SPIRE2: variants seen among roughly 807,000 people sequenced by gnomAD.
SPIRE2 encodes protein spire homolog 2.
In SPIRE2, 76 loss-of-function variants were observed where a neutral mutation model predicts 80.7. The ratio of observed to expected loss-of-function variants is 0.94; its 90% CI spans 0.78 to 1.14. SPIRE2 has a LOEUF of 1.14. Ranked by LOEUF, SPIRE2 falls within the 50% of genes most tolerant of loss-of-function variation. The pLI, the probability that SPIRE2 is intolerant of heterozygous loss-of-function variation, is 0.00. For synonymous variants in SPIRE2, 535 were observed against 432.6 expected (o/e 1.24, Z -2.94); for missense variants, 1,196 against 1,015.3 (o/e 1.18, Z -2.42).
chr16:89,869,752 T>A, intron 14 of SPIRE2, 70 bp downstream of exon 14: 1 of 1,187,162 alleles, frequency 8.4e-7, no homozygotes, highest in South Asian at 1.2e-5. Flanking sequence ...GGAGCTGGGG[T>A]GGAGGGGGCT....
intron 12 of SPIRE2, among the ~76,000 whole-genome samples, chr16:89,867,167 CAG>C (rs965998798): frequency 5.9e-4 from 89 of 150,974 alleles, no homozygotes; most frequent in Admixed American, 3.4e-3. Context: ...TTTTTTGAGA[CAG>C]AGTCTCTCTC....
Position 89,863,192 on chromosome 16 carries a change from C to A in SPIRE2, c.1576-284C>A, listed in dbSNP as rs1378196527. 2.1e-6 allele frequency: 1 copy of A among 476,276 alleles called. No individual in the cohort carries two copies. Among genetic ancestry groups the A allele is most frequent in the Non-Finnish European group, 3.8e-6 (1 of 260,478 alleles). The allele number at this position is 476,276 out of a possible 1,614,324, so 29.5% of individuals were successfully genotyped here. Reference sequence around the variant, plus strand: ...CATGGTGTGTTTGCAGGCAGGGACACCTTGAACAGACATGGGCTGAGGGGA... The same window carrying A: ...CATGGTGTGTTTGCAGGCAGGGACAACTTGAACAGACATGGGCTGAGGGGA... On this transcript the variant is annotated intron_variant, in intron 10 of 14. Coordinates refer to ENST00000378247, the MANE Select transcript of SPIRE2 (RefSeq NM_032451.2). This position sits in a 1 kb window ranked among gnomAD's most constrained non-coding sequence, Gnocchi z 4.3.
chr16:89,868,296 A>C lies in SPIRE2; in HGVS notation c.1806+80A>C. Reference sequence around the variant, plus strand: ...TGGCTTTGATTGGATGTGTTGGATGATGCTGCCTCACCAGGCACCTCATCC... The same window carrying C: ...TGGCTTTGATTGGATGTGTTGGATGCTGCTGCCTCACCAGGCACCTCATCC... On this transcript the variant is annotated intron_variant, in intron 13 of 14. Transcript: ENST00000378247. 7 of 1,403,890 alleles carry C rather than the reference A, an allele frequency of 5.0e-6. No homozygotes were observed. The South Asian group carries it at 8.1e-5, about 16-fold the overall frequency. The allele number at this position is 1,403,890 out of a possible 1,614,324, so 87.0% of individuals were successfully genotyped here.
Position 89,828,600 on chromosome 16 carries a change from C to T in SPIRE2, c.50C>T (p.Pro17Leu). ...GGCGCCGCGGCGGGCGCAGGGCGGC[C>T]GGAGCCCTGGGAGCTGTCCCTGGAG... Reference protein sequence around the residue: ...CGGAAAGAGRPEPWELSLEEV... With the variant: ...CGGAAAGAGRLEPWELSLEEV... The change falls in exon 1 of 15, where the codon CCG (proline) becomes CTG (leucine). Residue 17 changes from proline (P) to leucine (L), a missense_variant. Pro to Leu is a moderately conservative substitution (Grantham distance 98). Transcript: ENST00000378247. The surrounding 1 kb of genome is among the most constrained non-coding windows in gnomAD (Gnocchi z 5.9). 3.2e-6 allele frequency: 4 copies of T among 1,232,124 alleles called. No individual in the cohort carries two copies. The highest frequency in any genetic ancestry group is 4.1e-6 in the Non-Finnish European group (4 of 980,922). The allele number at this position is 1,232,124 out of a possible 1,614,324, so 76.3% of individuals were successfully genotyped here.
At chr16:89,853,682 G>T (rs1214825543) in intron 3 of SPIRE2, among the ~76,000 whole-genome samples, 3 of 150,224 alleles carry the variant, frequency 2.0e-5, no homozygotes, top group Admixed American at 1.3e-4. Context: ...GGGACTTCGT[G>T]ACAGCAGAGG....
At chr16:89,829,453 G>A (rs76968301) in intron 1 of SPIRE2, among the ~76,000 whole-genome samples, 1,779 of 152,360 alleles carry the variant, frequency 0.012, 35 homozygotes, top group South Asian at 0.1. Flanking sequence ...TTTCTTCCCT[G>A]GAGAGCTGGA....
chr16:89,867,364 T>C (rs1696239687), intron 12 of SPIRE2, among the ~76,000 whole-genome samples: 1 of 151,834 alleles, frequency 6.6e-6, no homozygotes, highest in Non-Finnish European at 1.5e-5. Context: ...AGGCCGATGT[T>C]GAACACCTGA....
chr16:89,860,635 C>T (rs1177888910), intron 9 of SPIRE2, 48 bp from the exon 10 acceptor site: 3 of 1,321,982 alleles, frequency 2.3e-6, no homozygotes, highest in Non-Finnish European at 2.1e-6. Flanking sequence ...GTCCTCTTTA[C>T]CACAGCTCCT....
intron 10 of SPIRE2, 40 bp downstream of exon 10, chr16:89,860,835 G>A: frequency 2.3e-6 from 3 of 1,320,726 alleles, no homozygotes; most frequent in Non-Finnish European, 3.0e-6. Flanking sequence ...CGGCCCAGGG[G>A]GCGTCTTTGC....
At chr16:89,865,923 G>A (rs552509483) in intron 12 of SPIRE2, among the ~76,000 whole-genome samples, 4 of 143,820 alleles carry the variant, frequency 2.8e-5, no homozygotes, top group African/African-American at 1.0e-4. Flanking sequence ...AGCCGAGATC[G>A]CGCCACTGCA....
intron 1 of SPIRE2, among the ~76,000 whole-genome samples, chr16:89,835,333 G>A (rs2041437766): frequency 6.6e-6 from 1 of 152,214 alleles, no homozygotes; most frequent in African/African-American, 2.4e-5. Flanking sequence ...TGGGGTCCCT[G>A]TGCTACTGTT....
intron 3 of SPIRE2, among the ~76,000 whole-genome samples, chr16:89,853,034 C>T (rs1052083950): frequency 6.6e-6 from 1 of 152,002 alleles, no homozygotes; most frequent in Non-Finnish European, 1.5e-5. Context: ...GCCCATCTTC[C>T]GTCCTCTCTC....
chr16:89,860,843 T>G (rs2041737135), intron 10 of SPIRE2, 48 bp downstream of exon 10: 1 of 1,210,064 alleles, frequency 8.3e-7, no homozygotes, highest in African/African-American at 1.6e-5. Context: ...GGGGCGTCTT[T>G]GCACCCACCT....
At position 89,855,566 on chromosome 16, in the gene SPIRE2, C is replaced by G. The variant is rs749039179; in HGVS notation, c.892-34C>G. The stretch of plus-strand genomic sequence containing the variant: ...GTCGCCCTGCACTAGTGGATGGTCC[C>G]TGCAGGGCCTCAGATCAGCCGTCCT... On this transcript the variant is annotated intron_variant, in intron 5 of 14. Coordinates refer to ENST00000378247, the MANE Select transcript of SPIRE2 (RefSeq NM_032451.2). 6 of 1,597,526 alleles carry G rather than the reference C, an allele frequency of 3.8e-6. No individual in the cohort carries two copies. In the South Asian group the frequency reaches 6.7e-5, roughly 18 times the overall value.
intron 1 of SPIRE2, among the ~76,000 whole-genome samples, chr16:89,842,627 C>T (rs1240298571): frequency 6.6e-6 from 1 of 152,244 alleles, no homozygotes. Context: ...AGGACCTCGC[C>T]TGATGTGGGC....
At position 89,828,711 on chromosome 16, in the gene SPIRE2, C is replaced by T. The variant is rs1179837984; in HGVS notation, c.161C>T (p.Ser54Leu). ...CFQGCRGLRGSPGRRLRDTGD... is the reference protein window; with the variant it reads ...CFQGCRGLRGLPGRRLRDTGD... ...CAGGGCTGCCGCGGGCTGCGGGGCT[C>T]GCCGGGCCGGCGCCTGCGGGATACC... The change falls in exon 1 of 15, where the codon TCG becomes TTG. Residue 54 changes from serine to leucine, a missense_variant. By Grantham distance (145) the Ser-to-Leu change is moderately radical (BLOSUM62 -2). Coordinates refer to ENST00000378247, the MANE Select transcript of SPIRE2 (RefSeq NM_032451.2). This position sits in a 1 kb window ranked among gnomAD's most constrained non-coding sequence, Gnocchi z 5.9. 4.7e-6 allele frequency: 6 copies of T among 1,268,700 alleles called. No individual in the cohort carries two copies. The South Asian group carries it at 1.3e-4, about 28-fold the overall frequency. 78.6% of individuals were successfully genotyped at this position (1,268,700 alleles called of 1,614,324 possible). A position where few individuals can be genotyped will look rare whatever the true frequency, so the allele number is the denominator to read the frequency against.
At chr16:89,868,252 G>C in intron 13 of SPIRE2, 36 bp downstream of exon 13, 2 of 1,609,494 alleles carry the variant, frequency 1.2e-6, no homozygotes, top group Non-Finnish European at 1.7e-6. Flanking sequence ...GTCTGAGCAA[G>C]GCAGATGAGG....
In SPIRE2 at chr16:89,856,105, C is replaced by T. The variant is rs751332150; in HGVS notation, c.979-8C>T. On this transcript the variant is annotated splice_polypyrimidine_tract_variant and splice_region_variant and intron_variant, in intron 6 of 14. Coordinates refer to ENST00000378247, the MANE Select transcript of SPIRE2 (RefSeq NM_032451.2). The stretch of plus-strand genomic sequence containing the variant: ...TTCCCCACCGCAGGTCTCGCTTCCC[C>T]ACCGCAGGTCTCTGAGAGGCGGCTG... The T allele has an allele frequency of 3.6e-5, 58 of 1,611,126 alleles. No homozygotes were observed. The African/African-American group carries it at 6.1e-4, about 17-fold the overall frequency.
rs1567675438 is a variant in SPIRE2 at position 89,854,592 on chromosome 16, C to G, written c.832C>G (p.Pro278Ala). ...CCTCCCCACCGAGTTCCAGCTCACG[C>G]CCTTCGAGATGCTGATGCAGGACAT... Reference protein sequence around the residue: ...NPLPTEFQLTPFEMLMQDIRA... With the variant: ...NPLPTEFQLTAFEMLMQDIRA... Residue 278 changes from proline (P) to alanine (A), a missense_variant, in exon 5 of 15, where the codon CCC becomes GCC. Coordinates refer to ENST00000378247, the MANE Select transcript of SPIRE2 (RefSeq NM_032451.2). The G allele has an allele frequency of 1.9e-6, 3 of 1,608,212 alleles. No homozygotes were observed.
Sources: gnomAD v4.1 joint callset for allele counts (sites outside exome capture counted in the v4.1 genomes callset) on GRCh38, gnomAD v4.1.1 for gene constraint, Gnocchi (gnomAD v3.1) non-coding constraint, MANE v1.5 for transcripts, NCBI Gene and HGNC (gene_info 2026-07-23, HGNC 2026-07-21) for gene names.